CENPP: variants seen among roughly 807,000 people sequenced by gnomAD.
CENPP encodes the protein centromere protein P.
CENPP carries 24 observed loss-of-function variants against 35.6 expected under a neutral mutation model. That is an observed-to-expected ratio of 0.67 (90% CI 0.49 to 0.95). CENPP has a LOEUF of 0.95. Among genes scored for constraint, CENPP ranks in the 40% least tolerant of loss-of-function variants. The probability of loss-of-function intolerance (pLI) is 0.00; values close to 1 mark genes in which losing one functional copy is unlikely to be tolerated. For missense variants in CENPP, 332 were observed against 345.3 expected, an observed-to-expected ratio of 0.96 and a Z score of 0.31; for synonymous variants, 120 against 125.5, an observed-to-expected ratio of 0.96 and a Z score of 0.29.
chr9:92,386,258 A>G (rs752888362), intron 5 of CENPP: 2 of 1,613,684 alleles, frequency 1.2e-6, no homozygotes, highest in Non-Finnish European at 8.5e-7. Flanking sequence ...ATTCCAGGGC[A>G]TTATGGTCCA....
Position 92,479,943 on chromosome 9 carries a change from C to A in CENPP, c.564+100084C>A, listed in dbSNP as rs117150430. Among the ~76,000 whole-genome samples, 151 of 151,994 alleles carry A rather than the reference C, an allele frequency of 9.9e-4. 3 individuals carry two copies. The East Asian group carries it at 0.026, about 26-fold the overall frequency. On this transcript the variant is annotated intron_variant, in intron 5 of 7. Coordinates refer to ENST00000375587, the MANE Select transcript of CENPP (RefSeq NM_001012267.3). ...AATAATGGAATGTCTAGGAGAGAAC[C>A]CTAGATAGCAGTATTTTTTTCTTAT...
chr9:92,500,842 C>G (rs1308094750), intron 5 of CENPP: 2 of 1,614,108 alleles, frequency 1.2e-6, no homozygotes, highest in African/African-American at 1.3e-5. Context: ...GAATGATATG[C>G]CCCATAGAAG....
chr9:92,564,429 T>C (rs1330606235), intron 5 of CENPP, among the ~76,000 whole-genome samples: 1 of 152,050 alleles, frequency 6.6e-6, no homozygotes, highest in African/African-American at 2.4e-5. Context: ...AGTAATCTAA[T>C]AGAAAGATAT....
chr9:92,495,432 T>C (rs1160008256), intron 5 of CENPP: 3 of 985,194 alleles, frequency 3.0e-6, no homozygotes, highest in Non-Finnish European at 3.6e-6. Context: ...GCAAAGGAGA[T>C]AGATGCTATG....
At chr9:92,379,188 C>CA (rs1175141287) in intron 4 of CENPP, among the ~76,000 whole-genome samples, 8 of 152,206 alleles carry the variant, frequency 5.3e-5, no homozygotes, top group African/African-American at 1.9e-4. Context: ...GTTGGGGAGA[C>CA]AGAGATTCCT....
chr9:92,450,424 C>G (rs1484488262), intron 5 of CENPP, among the ~76,000 whole-genome samples: 1 of 152,078 alleles, frequency 6.6e-6, no homozygotes, highest in Non-Finnish European at 1.5e-5. Context: ...AGGACATGAA[C>G]TCATCATTTT....
At chr9:92,522,254 T>C (rs1014213361) in intron 5 of CENPP, among the ~76,000 whole-genome samples, 1 of 151,878 alleles carries the variant, frequency 6.6e-6, no homozygotes, top group Non-Finnish European at 1.5e-5. Flanking sequence ...ACCCGGCTAA[T>C]TTTTTGTATT....
chr9:92,509,636 T>G lies in CENPP; in HGVS notation c.565-101678T>G, dbSNP rs117185032. 5.8e-3 allele frequency among the ~76,000 whole-genome samples: 889 copies of G among 152,320 alleles called. 4 individuals carry two copies. Among genetic ancestry groups the G allele is most frequent in the Non-Finnish European group, 9.4e-3 (640 of 68,026 alleles). On this transcript the variant is annotated intron_variant, in intron 5 of 7. Transcript: ENST00000375587. Reference sequence around the variant, plus strand: ...CAGATATTTTGGATTTGTAGTAAATTTATTGCCTTGTGAATAATAAGAACC... The same window carrying G: ...CAGATATTTTGGATTTGTAGTAAATGTATTGCCTTGTGAATAATAAGAACC...
intron 5 of CENPP, among the ~76,000 whole-genome samples, chr9:92,528,614 CCACCAGT>C (rs146288206): frequency 0.036 from 5,484 of 152,292 alleles, 133 homozygotes; most frequent in Middle Eastern, 0.075. Flanking sequence ...AGTTTGTGTT[CCACCAGT>C]CAGAGTGGAA....
intron 5 of CENPP, among the ~76,000 whole-genome samples, chr9:92,466,981 G>A (rs1266973116): frequency 6.6e-6 from 1 of 151,976 alleles, no homozygotes; most frequent in Non-Finnish European, 1.5e-5. Context: ...GCATGATTTT[G>A]TCTACTTTGA....
intron 4 of CENPP, among the ~76,000 whole-genome samples, chr9:92,347,047 A>G (rs1841313321): frequency 6.6e-6 from 1 of 152,182 alleles, no homozygotes; most frequent in African/African-American, 2.4e-5. Flanking sequence ...ATTATCTTCT[A>G]TTGGGTAGGA....
intron 5 of CENPP, among the ~76,000 whole-genome samples, chr9:92,515,644 G>T (rs1203799506): frequency 6.6e-6 from 1 of 152,186 alleles, no homozygotes; most frequent in Non-Finnish European, 1.5e-5. Flanking sequence ...CCAGACATTA[G>T]AAAAGTGAAA....
At chr9:92,352,511 A>AGTGTGTGTGTG (rs1564274075) in intron 4 of CENPP, among the ~76,000 whole-genome samples, 10 of 31,670 alleles carry the variant, frequency 3.2e-4, no homozygotes, top group African/African-American at 2.2e-3. Context: ...GTGTGTATAC[A>AGTGTGTGTGTG]TATATATATA....
chr9:92,415,377 G>A (rs141207956), intron 5 of CENPP: 4 of 1,613,294 alleles, frequency 2.5e-6, no homozygotes, highest in East Asian at 2.2e-5. Context: ...AGATGTATGA[G>A]CTTATTGGTT....
At chr9:92,572,622 T>C (rs567610693) in intron 5 of CENPP, among the ~76,000 whole-genome samples, 1 of 152,284 alleles carries the variant, frequency 6.6e-6, no homozygotes, top group Non-Finnish European at 1.5e-5. Flanking sequence ...TTTCCTGAAT[T>C]TGAATGTTGG....
chr9:92,525,591 A>G (rs1384572905), intron 5 of CENPP, among the ~76,000 whole-genome samples: 2 of 152,192 alleles, frequency 1.3e-5, no homozygotes. Flanking sequence ...ACTTCCAGTC[A>G]TATAAAAATA....
At chr9:92,502,895 C>T (rs1334818360) in intron 5 of CENPP, among the ~76,000 whole-genome samples, 1 of 148,744 alleles carries the variant, frequency 6.7e-6, no homozygotes, top group Non-Finnish European at 1.5e-5. Context: ...GCAGCCTTGA[C>T]CTCCCAGGCT....
intron 5 of CENPP, among the ~76,000 whole-genome samples, chr9:92,382,801 CT>C (rs1842285699): frequency 6.6e-6 from 1 of 150,402 alleles, no homozygotes; most frequent in African/African-American, 2.5e-5. Context: ...TGAAAAGTAT[CT>C]GACCCTATTT....
intron 5 of CENPP, among the ~76,000 whole-genome samples, chr9:92,600,830 C>G (rs1850894213): frequency 6.6e-6 from 1 of 152,210 alleles, no homozygotes; most frequent in Non-Finnish European, 1.5e-5. Context: ...CAGAGCTCCT[C>G]AGCTGTTCCC....
Sources: gnomAD v4.1 joint callset for allele counts (sites outside exome capture counted in the v4.1 genomes callset) on GRCh38, gnomAD v4.1.1 for gene constraint, MANE v1.5 for transcripts, NCBI Gene and HGNC (gene_info 2026-07-23, HGNC 2026-07-21) for gene names.